PPP6C: variants seen among roughly 807,000 people sequenced by gnomAD.
The protein encoded by PPP6C is serine/threonine-protein phosphatase 6 catalytic subunit.
A neutral mutation model predicts 39.8 loss-of-function variants in PPP6C; 11 were observed. The ratio of observed to expected loss-of-function variants is 0.28; its 90% CI spans 0.17 to 0.46. The LOEUF is 0.46. Among genes scored for constraint, PPP6C ranks in the 20% least tolerant of loss-of-function variants. PPP6C has a pLI of 1.00. For missense variants in PPP6C, 211 were observed against 373.9 expected (o/e 0.56, Z 3.59); for synonymous variants, 129 against 130.3 (o/e 0.99, Z 0.07).
chr9:125,189,747 G>C lies in PPP6C; in HGVS notation c.-29C>G. 7.0e-7 allele frequency: 1 copy of C among 1,437,406 alleles called. No homozygotes were observed. Among genetic ancestry groups the C allele is most frequent in the Non-Finnish European group, 9.3e-7 (1 of 1,076,278 alleles). The allele number at this position is 1,437,406 out of a possible 1,614,324, so 89.0% of individuals were successfully genotyped here. A position where few individuals can be genotyped will look rare whatever the true frequency, so the allele number is the denominator to read the frequency against. On this transcript the variant is annotated 5_prime_UTR_variant, in exon 1 of 7. Transcript: ENST00000373547. ...AAGAATAACAAGCCGCGGCAACAGC[G>C]GCGGCGGCGGCTGTAGCAGCGGCGG...
At chr9:125,183,984 C>T (rs1294710034) in intron 1 of PPP6C, among the ~76,000 whole-genome samples, 1 of 152,200 alleles carries the variant, frequency 6.6e-6, no homozygotes, top group African/African-American at 2.4e-5. Flanking sequence ...GTTGGCTGGG[C>T]ACAGTGGCTC....
intron 1 of PPP6C, among the ~76,000 whole-genome samples, chr9:125,176,183 A>C (rs1337925456): frequency 6.6e-6 from 1 of 152,220 alleles, no homozygotes; most frequent in Non-Finnish European, 1.5e-5. Flanking sequence ...TGTGTCTAAG[A>C]AACATCATCA....
At chr9:125,165,215 T>C (rs1334829846) in intron 2 of PPP6C, among the ~76,000 whole-genome samples, 1 of 152,114 alleles carries the variant, frequency 6.6e-6, no homozygotes, top group Admixed American at 6.6e-5. Context: ...TCAGAAGTTT[T>C]AAATATTTAA....
intron 1 of PPP6C, among the ~76,000 whole-genome samples, chr9:125,180,845 A>G (rs1829406708): frequency 6.6e-6 from 1 of 152,198 alleles, no homozygotes; most frequent in Non-Finnish European, 1.5e-5. Flanking sequence ...TAGCCTGAAA[A>G]TAACAGTGGA....
intron 1 of PPP6C, among the ~76,000 whole-genome samples, chr9:125,186,776 ATTTT>A (rs1163946678): frequency 1.3e-5 from 2 of 151,604 alleles, no homozygotes; most frequent in Non-Finnish European, 2.9e-5. Flanking sequence ...AAGATTAAAA[ATTTT>A]TTTAAGAAAA....
At chr9:125,178,558 G>A (rs182800255) in intron 1 of PPP6C, among the ~76,000 whole-genome samples, 1 of 152,218 alleles carries the variant, frequency 6.6e-6, no homozygotes, top group East Asian at 1.9e-4. Context: ...CTACAGTGAG[G>A]AAATCTTAGT....
chr9:125,162,651 A>G (rs1050902645), intron 2 of PPP6C, among the ~76,000 whole-genome samples: 6 of 149,658 alleles, frequency 4.0e-5, no homozygotes, highest in African/African-American at 1.5e-4. Context: ...GGGCACCTGT[A>G]ATCAATCCCT....
intron 1 of PPP6C, 54 bp from the exon 2 acceptor site, chr9:125,171,234 A>G: frequency 1.4e-6 from 2 of 1,379,696 alleles, no homozygotes; most frequent in Non-Finnish European, 2.0e-6. Flanking sequence ...AAAACTAAAG[A>G]TAAAATACCA....
intron 4 of PPP6C, 127 bp from the exon 5 acceptor site, chr9:125,154,112 A>G (rs1406962530): frequency 4.2e-6 from 3 of 710,298 alleles, no homozygotes; most frequent in East Asian, 5.4e-5. Context: ...GATATGACAC[A>G]TATTTAGTCC....
At chr9:125,160,764 T>C in intron 3 of PPP6C, 77 bp downstream of exon 3, 1 of 1,066,152 alleles carries the variant, frequency 9.4e-7, no homozygotes. Flanking sequence ...GGTAAAGAAT[T>C]ATTATGCAAT....
intron 2 of PPP6C, among the ~76,000 whole-genome samples, chr9:125,167,413 G>C (rs191987097): frequency 8.2e-5 from 11 of 133,738 alleles, no homozygotes; most frequent in African/African-American, 3.3e-4. Flanking sequence ...ATAAAAAAAA[G>C]GCCGGGCATG....
At chr9:125,151,488 C>T in intron 6 of PPP6C, 1 of 791,138 alleles carries the variant, frequency 1.3e-6, no homozygotes, top group Non-Finnish European at 2.3e-6. Flanking sequence ...AAGCACCATT[C>T]CAAAATACAG....
chr9:125,160,543 GTCTC>G (rs1240039448), intron 3 of PPP6C, among the ~76,000 whole-genome samples: 3 of 152,116 alleles, frequency 2.0e-5, no homozygotes, highest in African/African-American at 4.8e-5. Flanking sequence ...TCCCTGCACA[GTCTC>G]TCTCTCTTTG....
intron 1 of PPP6C, among the ~76,000 whole-genome samples, chr9:125,176,058 G>A (rs2131335650): frequency 6.6e-6 from 1 of 152,250 alleles, no homozygotes; most frequent in South Asian, 2.1e-4. Context: ...GGGAGAGTAT[G>A]GAAGCCTTAC....
At chr9:125,184,551 T>A (rs559215884) in intron 1 of PPP6C, among the ~76,000 whole-genome samples, 1 of 148,346 alleles carries the variant, frequency 6.7e-6, no homozygotes, top group Non-Finnish European at 1.5e-5. Flanking sequence ...ACTGAGACCC[T>A]ACCTCAAAGA....
chr9:125,166,619 G>A (rs1024220062), intron 2 of PPP6C, among the ~76,000 whole-genome samples: 5 of 142,298 alleles, frequency 3.5e-5, no homozygotes, highest in African/African-American at 5.3e-5. Context: ...TGCAACATCC[G>A]CCTCCCAGGT....
chr9:125,168,572 C>T (rs1588285789), intron 2 of PPP6C, among the ~76,000 whole-genome samples: 1 of 152,074 alleles, frequency 6.6e-6, no homozygotes, highest in Non-Finnish European at 1.5e-5. Context: ...AATTCTCCTG[C>T]CTCAGCCTCC....
chr9:125,172,489 T>C (rs1023583101), intron 1 of PPP6C, among the ~76,000 whole-genome samples: 1 of 152,102 alleles, frequency 6.6e-6, no homozygotes, highest in African/African-American at 2.4e-5. Flanking sequence ...TTACAGGCAT[T>C]GAGCCACTGC....
At chr9:125,157,258 G>T (rs1417860888) in intron 4 of PPP6C, among the ~76,000 whole-genome samples, 1 of 151,882 alleles carries the variant, frequency 6.6e-6, no homozygotes, top group Non-Finnish European at 1.5e-5. Flanking sequence ...TGGGATTACA[G>T]GGGTGAGCCA....
Sources: allele counts gnomAD v4.1 joint callset (sites outside exome capture counted in the v4.1 genomes callset), GRCh38; gene constraint gnomAD v4.1.1; transcripts MANE v1.5; gene names NCBI Gene and HGNC (gene_info 2026-07-23, HGNC 2026-07-21).